ZNF716: variants seen among roughly 807,000 people sequenced by gnomAD.
ZNF716 encodes the protein zinc finger protein 716.
ZNF716 carries 9 observed loss-of-function variants against 13.4 expected under a neutral mutation model. The ratio of observed to expected loss-of-function variants is 0.67; its 90% confidence interval spans 0.41 to 1.18. The LOEUF is 1.18. Ranked by LOEUF, ZNF716 falls within the 50% of genes most tolerant of loss-of-function variation. ZNF716 has a pLI of 0.01. For missense variants in ZNF716, 581 were observed against 576.6 expected (o/e 1.01, Z -0.08); for synonymous variants, 186 against 195.2 (o/e 0.95, Z 0.39).
chr7:57,464,401 G>A lies in ZNF716; in HGVS notation c.262+1233G>A, dbSNP rs535984637. On this transcript the variant is annotated intron_variant, in intron 3 of 3. Coordinates refer to ENST00000420713, the MANE Select transcript of ZNF716 (RefSeq NM_001159279.1). ...ATCCCAAAGTTCTGGGATTAAAAGC[G>A]TGAGCCACTGCACCCGGCTCACTTG... Among the ~76,000 whole-genome samples, 8 of 152,102 alleles carry A rather than the reference G, an allele frequency of 5.3e-5. No individual in the cohort carries two copies. In the South Asian group the frequency reaches 1.0e-3, roughly 20 times the overall value.
intron 1 of ZNF716, 176 bp from the exon 2 acceptor site, chr7:57,462,284 A>T (rs1789720101): frequency 1.5e-6 from 1 of 687,282 alleles, no homozygotes; most frequent in Non-Finnish European, 2.5e-6. Flanking sequence ...GTTAGAGAAT[A>T]CTTCCATGTT....
In ZNF716 at chr7:57,470,176, T is replaced by A. The variant is rs189798577; in HGVS notation, c.*227T>A. ...ACCCAAGAGAATTTATTTAAAAAAA[T>A]TTTTTTGAGACAGAGTCTCACTTTG... On this transcript the variant is annotated 3_prime_UTR_variant, in exon 4 of 4. Coordinates refer to ENST00000420713, the MANE Select transcript of ZNF716 (RefSeq NM_001159279.1). 2.6e-5 allele frequency: 10 copies of A among 383,882 alleles called. No individual in the cohort carries two copies. In the East Asian group the frequency reaches 3.7e-4, roughly 14 times the overall value. 23.8% of individuals were successfully genotyped at this position (383,882 alleles called of 1,614,324 possible).
At position 57,469,426 on chromosome 7, in the gene ZNF716, G is replaced by T; in HGVS notation, c.965G>T (p.Arg322Ile). The change falls in exon 4 of 4, where the codon AGA becomes ATA. Residue 322 changes from arginine (R) to isoleucine (I), a missense_variant. Physicochemically the swap from Arg to Ile is moderately conservative, Grantham distance 97. Coordinates refer to ENST00000420713, the MANE Select transcript of ZNF716 (RefSeq NM_001159279.1). ...CACAAGAGAATTCATACTGGAGAGA[G>T]ACCCTACAAATGTGAAGAATGTGGC... is the stretch of plus-strand genomic sequence containing the variant. ...TNHKRIHTGE[R>I]PYKCEECGKA... 1 of 1,603,206 alleles carries T rather than the reference G, an allele frequency of 6.2e-7. No individual in the cohort carries two copies. The highest frequency in any genetic ancestry group is 1.1e-5 in the South Asian group (1 of 90,468).
In ZNF716 at chr7:57,450,481, G is replaced by A. The variant is rs556262018; in HGVS notation, c.39+154G>A. 3.9e-5 allele frequency among the ~76,000 whole-genome samples: 6 copies of A among 152,234 alleles called. No individual in the cohort carries two copies. In the South Asian group the frequency reaches 1.2e-3, roughly 32 times the overall value. ...CCAGCTCGGCTCTTAGTCCCCTCGAGCGTTAAGATGCTGCCTGGGCCAGCG... is the reference window on the plus strand; with the variant it reads ...CCAGCTCGGCTCTTAGTCCCCTCGAACGTTAAGATGCTGCCTGGGCCAGCG... On this transcript the variant is annotated intron_variant, in intron 1 of 3. Coordinates refer to ENST00000420713, the MANE Select transcript of ZNF716 (RefSeq NM_001159279.1).
chr7:57,461,369 A>C (rs2116414317), intron 1 of ZNF716, among the ~76,000 whole-genome samples: 1 of 152,282 alleles, frequency 6.6e-6, no homozygotes, highest in Middle Eastern at 3.4e-3. Context: ...ACATAATAAA[A>C]ATGTGTCCCA....
At chr7:57,452,232 C>T (rs946641020) in intron 1 of ZNF716, among the ~76,000 whole-genome samples, 6 of 152,124 alleles carry the variant, frequency 3.9e-5, no homozygotes, top group African/African-American at 9.7e-5. Context: ...ATGTTTCAGA[C>T]ACAGTACTTA....
At chr7:57,468,615 G>T (rs1583723922) in intron 3 of ZNF716, 109 bp from the exon 4 acceptor site, 4 of 1,122,110 alleles carry the variant, frequency 3.6e-6, no homozygotes. Context: ...GTGGTATTTT[G>T]ATATGCCATT....
At chr7:57,451,610 G>A (rs1023692659) in intron 1 of ZNF716, among the ~76,000 whole-genome samples, 2 of 151,322 alleles carry the variant, frequency 1.3e-5, no homozygotes, top group Admixed American at 1.3e-4. Flanking sequence ...ACCATGCCTG[G>A]CTAATTTTTG....
At chr7:57,453,128 C>T (rs1206786347) in intron 1 of ZNF716, among the ~76,000 whole-genome samples, 1 of 152,028 alleles carries the variant, frequency 6.6e-6, no homozygotes, top group Non-Finnish European at 1.5e-5. Flanking sequence ...TAATTTCTGC[C>T]CTCTGGATTC....
intron 1 of ZNF716, among the ~76,000 whole-genome samples, chr7:57,454,252 A>T (rs555451971): frequency 5.9e-5 from 9 of 152,340 alleles, no homozygotes; most frequent in African/African-American, 2.2e-4. Flanking sequence ...TAAGTAAATG[A>T]TATGTGTATT....
intron 1 of ZNF716, among the ~76,000 whole-genome samples, chr7:57,457,695 TTTG>T (rs1789628013): frequency 1.3e-5 from 2 of 152,114 alleles, no homozygotes; most frequent in Admixed American, 1.3e-4. Context: ...CATGTGCAGG[TTTG>T]TTGTATAGGT....
In ZNF716 at chr7:57,469,546, C is replaced by T. The variant is rs1554324836; in HGVS notation, c.1085C>T (p.Thr362Ile). The T allele has an allele frequency of 2.5e-6, 4 of 1,609,320 alleles. No homozygotes were observed. The highest frequency in any genetic ancestry group is 1.1e-5 in the South Asian group (1 of 90,780). ...TGTGAAGAATGTGGGAAAGCCTTTA[C>T]CTTCTCCTCAACTCTAAATACTCAT... ...YTCEECGKAF[T>I]FSSTLNTHKR... The change falls in exon 4 of 4, where the codon ACC becomes ATC. Residue 362 changes from threonine to isoleucine, a missense_variant. By Grantham distance (89) the Thr-to-Ile change is moderately conservative. Coordinates refer to ENST00000420713, the MANE Select transcript of ZNF716 (RefSeq NM_001159279.1).
At chr7:57,468,371 T>C (rs1554324456) in intron 3 of ZNF716, among the ~76,000 whole-genome samples, 1 of 152,164 alleles carries the variant, frequency 6.6e-6, no homozygotes, top group African/African-American at 2.4e-5. Flanking sequence ...TAGGTGCCAA[T>C]ATTTTTCTTT....
At chr7:57,464,279 G>C (rs1372307962) in intron 3 of ZNF716, among the ~76,000 whole-genome samples, 1 of 151,834 alleles carries the variant, frequency 6.6e-6, no homozygotes, top group Non-Finnish European at 1.5e-5. Context: ...GTGCCACCAT[G>C]TGCAGCTAAT....
chr7:57,466,050 G>A (rs1192253196), intron 3 of ZNF716, among the ~76,000 whole-genome samples: 1 of 151,824 alleles, frequency 6.6e-6, no homozygotes, highest in Non-Finnish European at 1.5e-5. Context: ...TGGGGGGAGT[G>A]GGGAGGGATA....
At chr7:57,455,940 GT>G (rs201027190) in intron 1 of ZNF716, among the ~76,000 whole-genome samples, 2 of 148,654 alleles carry the variant, frequency 1.3e-5, no homozygotes, top group South Asian at 2.1e-4. Context: ...GGTTTTTTTT[GT>G]TTTTTTGTTT....
chr7:57,462,954 C>G (rs531471724), intron 2 of ZNF716, 119 bp from the exon 3 acceptor site: 6 of 1,359,324 alleles, frequency 4.4e-6, no homozygotes, highest in Non-Finnish European at 4.9e-6. Flanking sequence ...AGATCTGTTA[C>G]GAATCAATCT....
In ZNF716 at chr7:57,469,335, G is replaced by A; in HGVS notation, c.874G>A (p.Gly292Arg). ...TLTNYKRIHT[G>R]EKPYTCEECG... ...TACTAACTACAAGAGAATTCATACT[G>A]GAGAGAAACCCTACACATGTGAAGA... Residue 292 changes from glycine to arginine, a missense_variant, in exon 4 of 4, where the codon GGA becomes AGA. Transcript: ENST00000420713. 1 of 1,612,916 alleles carries A rather than the reference G, an allele frequency of 6.2e-7. No homozygotes were observed. Among genetic ancestry groups the A allele is most frequent in the South Asian group, 1.1e-5 (1 of 91,008 alleles).
chr7:57,455,887 T>G (rs1319618908), intron 1 of ZNF716, among the ~76,000 whole-genome samples: 1 of 152,094 alleles, frequency 6.6e-6, no homozygotes, highest in Non-Finnish European at 1.5e-5. Context: ...AACTTTTTTT[T>G]TGTACATCTT....
Sources: gnomAD v4.1 joint callset for allele counts (sites outside exome capture counted in the v4.1 genomes callset) on GRCh38, gnomAD v4.1.1 for gene constraint, MANE v1.5 for transcripts, NCBI Gene and HGNC (gene_info 2026-07-23, HGNC 2026-07-21) for gene names.